The following SLC39A11 variants were observed in gnomAD, a reference collection of about 807,000 sequenced individuals.
The protein encoded by SLC39A11 is zinc transporter ZIP11.
Under a neutral mutation model 36.1 loss-of-function variants are expected in SLC39A11, and 33 were observed. The observed-to-expected ratio is 0.91, with a 90% confidence interval of 0.69 to 1.22. SLC39A11 has a LOEUF of 1.22. Ranked by LOEUF, SLC39A11 falls within the 50% of genes most tolerant of loss-of-function variation. The probability of loss-of-function intolerance (pLI) is 0.00; values close to 1 mark genes in which losing one functional copy is unlikely to be tolerated. For synonymous variants in SLC39A11, 166 were observed against 170.3 expected, an observed-to-expected ratio of 0.97 and a Z score of 0.20; for missense variants, 432 against 430.3, an observed-to-expected ratio of 1.00 and a Z score of -0.03.
intron 3 of SLC39A11, among the ~76,000 whole-genome samples, chr17:73,062,935 G>T (rs1311252380): frequency 1.3e-5 from 2 of 152,098 alleles, no homozygotes; most frequent in East Asian, 3.9e-4. Flanking sequence ...ATGGAGAGTG[G>T]CTGCAAATAC....
intron 4 of SLC39A11, among the ~76,000 whole-genome samples, chr17:72,998,804 T>A (rs2089659157): frequency 1.3e-5 from 2 of 152,120 alleles, no homozygotes; most frequent in Non-Finnish European, 2.9e-5. Flanking sequence ...CTGAAATGAC[T>A]CAGTAAAGTT....
Position 72,677,794 on chromosome 17 carries a change from T to G in SLC39A11, c.672-28526A>C, listed in dbSNP as rs148436270. Among the ~76,000 whole-genome samples the G allele has an allele frequency of 2.7e-3, 417 of 151,942 alleles. 4 individuals are homozygous for G. The highest frequency in any genetic ancestry group is 9.5e-3 in the African/African-American group (392 of 41,416). ...AGAGAATTACTAGAACACAGCAGAG[T>G]AGAGGGCCAGGAATTGCAAGTAGAG... is the stretch of plus-strand genomic sequence containing the variant. On this transcript the variant is annotated intron_variant, in intron 7 of 9. Coordinates refer to ENST00000255559, the MANE Select transcript of SLC39A11 (RefSeq NM_139177.4).
intron 5 of SLC39A11, among the ~76,000 whole-genome samples, chr17:72,866,545 T>C (rs1323250143): frequency 2.6e-5 from 4 of 151,960 alleles, no homozygotes; most frequent in Admixed American, 6.6e-5. Context: ...AATCTTAAGA[T>C]AAATAATACA....
At chr17:72,751,389 C>A (rs1479903043) in intron 6 of SLC39A11, among the ~76,000 whole-genome samples, 1 of 152,162 alleles carries the variant, frequency 6.6e-6, no homozygotes, top group African/African-American at 2.4e-5. Context: ...TCGTGGCCCC[C>A]ATCCTCTCAT....
At chr17:72,931,608 C>T (rs1396988326) in intron 5 of SLC39A11, among the ~76,000 whole-genome samples, 2 of 152,212 alleles carry the variant, frequency 1.3e-5, no homozygotes, top group East Asian at 3.8e-4. Flanking sequence ...CTGCCCGGCC[C>T]CCTCCCCAGG....
At chr17:72,701,727 C>CAAAAAAAA (rs57220008) in intron 7 of SLC39A11, among the ~76,000 whole-genome samples, 39 of 88,678 alleles carry the variant, frequency 4.4e-4, no homozygotes, top group East Asian at 1.1e-3. Flanking sequence ...GATTCTGTCT[C>CAAAAAAAA]AAAAAAAAAA....
chr17:72,789,863 G>C (rs570778079), intron 6 of SLC39A11, among the ~76,000 whole-genome samples: 53 of 152,292 alleles, frequency 3.5e-4, no homozygotes, highest in Non-Finnish European at 6.5e-4. Context: ...AATAATTCAG[G>C]AACATGGCCC....
intron 7 of SLC39A11, among the ~76,000 whole-genome samples, chr17:72,671,046 A>AAG (rs563136484): frequency 7.2e-4 from 110 of 152,340 alleles, no homozygotes; most frequent in African/African-American, 2.4e-3. Flanking sequence ...AAAGCACAAA[A>AAG]AGAGAGAGCT....
At chr17:72,712,921 T>G (rs1363026497) in intron 7 of SLC39A11, 3 of 150,984 alleles carry the variant, frequency 2.0e-5, no homozygotes, top group African/African-American at 7.3e-5. Flanking sequence ...TGGGGAGAGG[T>G]GAAGTCAGTC....
At chr17:72,924,195 G>T (rs1176154898) in intron 5 of SLC39A11, among the ~76,000 whole-genome samples, 3 of 126,788 alleles carry the variant, frequency 2.4e-5, no homozygotes, top group Non-Finnish European at 3.3e-5. Flanking sequence ...AGATGATTAA[G>T]ACCTAGCCTC....
At chr17:72,809,199 T>TTCTCTCTTTCTCTCTCTCTCTCTC (rs2077357049) in intron 6 of SLC39A11, among the ~76,000 whole-genome samples, 1 of 102,202 alleles carries the variant, frequency 9.8e-6, no homozygotes, top group Admixed American at 9.7e-5. Context: ...TTTCTTTTCT[T>TTCTCTCTTTCTCTCTCTCTCTCTC]TCTCTCTCTC....
intron 6 of SLC39A11, chr17:72,839,249 T>C (rs895551958): frequency 2.6e-5 from 4 of 152,206 alleles, no homozygotes; most frequent in African/African-American, 7.2e-5. Flanking sequence ...ATTCAGAAGA[T>C]ACCTTTGGTC....
At chr17:72,798,088 A>G (rs1375421387) in intron 6 of SLC39A11, among the ~76,000 whole-genome samples, 1 of 152,090 alleles carries the variant, frequency 6.6e-6, no homozygotes, top group East Asian at 1.9e-4. Context: ...GGGCACGTGG[A>G]GATGGGTGTA....
At chr17:72,734,289 G>A (rs1008758528) in intron 7 of SLC39A11, among the ~76,000 whole-genome samples, 3 of 152,264 alleles carry the variant, frequency 2.0e-5, no homozygotes, top group Non-Finnish European at 4.4e-5. Context: ...GGGGAGAATG[G>A]GCTGAAGGGT....
At chr17:72,872,795 G>T (rs2080704604) in intron 5 of SLC39A11, among the ~76,000 whole-genome samples, 1 of 152,116 alleles carries the variant, frequency 6.6e-6, no homozygotes, top group South Asian at 2.1e-4. Flanking sequence ...AGTGGCTCAT[G>T]CCTGTAATCC....
chr17:72,893,271 G>A (rs374240428), intron 5 of SLC39A11, among the ~76,000 whole-genome samples: 25 of 152,246 alleles, frequency 1.6e-4, no homozygotes, highest in African/African-American at 5.5e-4. Context: ...GACCAGCCTG[G>A]CCAACATGGT....
rs768760802 is a variant in SLC39A11 at position 72,922,860 on chromosome 17, C to T, written c.430+24892G>A. Reference sequence around the variant, plus strand: ...GTGCACACCTGTAGTCCCCGCTACTCGGGAGGCTGAGGCACGAGAATTCCT... The same window carrying T: ...GTGCACACCTGTAGTCCCCGCTACTTGGGAGGCTGAGGCACGAGAATTCCT... On this transcript the variant is annotated intron_variant, in intron 5 of 9. Coordinates refer to ENST00000255559, the MANE Select transcript of SLC39A11 (RefSeq NM_139177.4). 2.0e-4 allele frequency among the ~76,000 whole-genome samples: 28 copies of T among 141,684 alleles called. 1 individual carries two copies. Among genetic ancestry groups the T allele is most frequent in the South Asian group, 1.9e-3 (8 of 4,172 alleles). 93.0% of individuals were successfully genotyped at this position (141,684 alleles called of 152,430 possible). A position where few individuals can be genotyped will look rare whatever the true frequency, so the allele number is the denominator to read the frequency against.
chr17:72,682,932 C>CAACA (rs1225058386), intron 7 of SLC39A11, among the ~76,000 whole-genome samples: 1 of 152,154 alleles, frequency 6.6e-6, no homozygotes. Context: ...CCCATTTTGT[C>CAACA]AACAAACAAA....
At chr17:73,021,972 A>G in intron 4 of SLC39A11, among the ~76,000 whole-genome samples, 1 of 152,242 alleles carries the variant, frequency 6.6e-6, no homozygotes, top group South Asian at 2.1e-4. Flanking sequence ...TGTTCGTGCC[A>G]GACCCACGGG....
Sources: allele counts gnomAD v4.1 joint callset (sites outside exome capture counted in the v4.1 genomes callset), GRCh38; gene constraint gnomAD v4.1.1; transcripts MANE v1.5; gene names NCBI Gene and HGNC (gene_info 2026-07-23, HGNC 2026-07-21).